Variants in RARB observed in about 807,000 individuals in gnomAD.
The protein encoded by RARB is retinoic acid receptor beta.
RARB carries 17 observed loss-of-function variants against 51.9 expected under a neutral mutation model. The ratio of observed to expected loss-of-function variants is 0.33; its 90% CI spans 0.22 to 0.49. RARB has a LOEUF of 0.49. Ranked by LOEUF, RARB falls within the 20% of genes least tolerant of loss-of-function variation. The pLI, the probability that RARB is intolerant of heterozygous loss-of-function variation, is 0.99. For missense variants in RARB, 369 were observed against 550.8 expected, an observed-to-expected ratio of 0.67 and a Z score of 3.30; for synonymous variants, 215 against 195.4, an observed-to-expected ratio of 1.10 and a Z score of -0.84.
intron 5 of RARB, among the ~76,000 whole-genome samples, chr3:25,402,801 G>A (rs1198666971): frequency 6.6e-6 from 1 of 152,080 alleles, no homozygotes; most frequent in Non-Finnish European, 1.5e-5. Flanking sequence ...GGTCACCAGG[G>A]GCTAAGAGTG....
intron 2 of RARB, among the ~76,000 whole-genome samples, chr3:24,895,615 C>CTT (rs11295596): frequency 2.4e-5 from 3 of 125,064 alleles, no homozygotes; most frequent in African/African-American, 7.6e-5. Flanking sequence ...ACAATTGGGT[C>CTT]TTTTTTTTTT....
chr3:24,879,110 T>C (rs7636108), intron 2 of RARB, among the ~76,000 whole-genome samples: 32,469 of 152,042 alleles, frequency 0.21, 4,898 homozygotes, highest in African/African-American at 0.43. Context: ...AATTTCATTT[T>C]TGGTAATCTT....
intron 5 of RARB, among the ~76,000 whole-genome samples, chr3:25,393,270 G>A (rs12489308): frequency 0.14 from 21,896 of 151,914 alleles, 2,116 homozygotes; most frequent in Admixed American, 0.29. Flanking sequence ...TCTTTTGATA[G>A]GCTGTTGGAT....
At chr3:25,551,535 G>A (rs896630939) in intron 3 of RARB, among the ~76,000 whole-genome samples, 2 of 152,198 alleles carry the variant, frequency 1.3e-5, no homozygotes, top group Non-Finnish European at 2.9e-5. Context: ...AAAGAGTTAT[G>A]TGGAGCAGCT....
intron 3 of RARB, among the ~76,000 whole-genome samples, chr3:25,528,573 A>G (rs1698757259): frequency 6.6e-6 from 1 of 151,724 alleles, no homozygotes; most frequent in Admixed American, 6.6e-5. Context: ...CTGCCATGTG[A>G]TTCAGCACTG....
intron 5 of RARB, among the ~76,000 whole-genome samples, chr3:25,247,327 A>C (rs538435552): frequency 1.3e-5 from 2 of 152,310 alleles, no homozygotes; most frequent in African/African-American, 4.8e-5. Context: ...CAGGGGAATG[A>C]ACTGTTCTGT....
intron 5 of RARB, among the ~76,000 whole-genome samples, chr3:25,281,442 A>C (rs1703519679): frequency 6.6e-6 from 1 of 152,190 alleles, no homozygotes; most frequent in South Asian, 2.1e-4. Flanking sequence ...TTAGCAAATT[A>C]AGGAGATTAC....
chr3:25,333,859 T>C (rs1310723190), intron 5 of RARB, among the ~76,000 whole-genome samples: 6 of 152,140 alleles, frequency 3.9e-5, no homozygotes, highest in Non-Finnish European at 8.8e-5. Context: ...CATCACAAAG[T>C]GGGCAAAGGA....
At chr3:25,091,297 A>C (rs530283607) in intron 3 of RARB, among the ~76,000 whole-genome samples, 5 of 152,286 alleles carry the variant, frequency 3.3e-5, no homozygotes, top group African/African-American at 1.2e-4. Flanking sequence ...TCTCTTTATG[A>C]CAAAGGTTGG....
intron 1 of RARB, among the ~76,000 whole-genome samples, chr3:25,450,786 G>A (rs1301823561): frequency 2.6e-5 from 4 of 152,038 alleles, no homozygotes; most frequent in African/African-American, 4.8e-5. Context: ...AAATGGTGCT[G>A]GCTAAAAACC....
At chr3:25,011,307 T>C (rs962389401) in intron 2 of RARB, among the ~76,000 whole-genome samples, 8 of 151,828 alleles carry the variant, frequency 5.3e-5, no homozygotes, top group African/African-American at 9.7e-5. Flanking sequence ...AAGTTCTAAA[T>C]AGCACGTTCA....
At chr3:25,530,899 T>C (rs1238471592) in intron 3 of RARB, among the ~76,000 whole-genome samples, 1 of 152,190 alleles carries the variant, frequency 6.6e-6, no homozygotes, top group East Asian at 1.9e-4. Flanking sequence ...ATGTAGCAAA[T>C]GCCACTTCCT....
intron 2 of RARB, among the ~76,000 whole-genome samples, chr3:25,475,213 G>C (rs1355840749): frequency 6.6e-6 from 1 of 152,090 alleles, no homozygotes; most frequent in Admixed American, 6.6e-5. Flanking sequence ...GTATTCCTTT[G>C]TTATTTGATT....
exon 5 of RARB, chr3:25,174,307 C>T: frequency 8.9e-7 from 1 of 1,126,890 alleles, no homozygotes; most frequent in South Asian, 1.3e-5. Flanking sequence ...GCCTCAACTC[C>T]TGCAGTGCAT....
chr3:25,096,690 C>T (rs984236558), intron 3 of RARB, among the ~76,000 whole-genome samples: 1 of 152,080 alleles, frequency 6.6e-6, no homozygotes, highest in Non-Finnish European at 1.5e-5. Context: ...GCCACTTTTA[C>T]CTGGGCTGAG....
intron 5 of RARB, among the ~76,000 whole-genome samples, chr3:25,357,551 G>C (rs151222088): frequency 6.6e-6 from 1 of 152,044 alleles, no homozygotes; most frequent in South Asian, 2.1e-4. Flanking sequence ...TTTTGTTGCC[G>C]TTGCTTTTGG....
intron 2 of RARB, among the ~76,000 whole-genome samples, chr3:24,946,454 GTTCT>G (rs1486382371): frequency 6.6e-6 from 1 of 151,704 alleles, no homozygotes; most frequent in Admixed American, 6.6e-5. Flanking sequence ...GAAGAGTGCT[GTTCT>G]TTCTTTGCAA....
intron 5 of RARB, among the ~76,000 whole-genome samples, chr3:25,268,577 C>T (rs1703180426): frequency 6.6e-6 from 1 of 152,132 alleles, no homozygotes. Context: ...TTAATGTTAG[C>T]CCCTCTTTTA....
chr3:25,337,369 T>C (rs1705094477), intron 5 of RARB, among the ~76,000 whole-genome samples: 1 of 152,198 alleles, frequency 6.6e-6, no homozygotes, highest in Non-Finnish European at 1.5e-5. Flanking sequence ...AGGAAGCTCT[T>C]AGTAATTCAG....
Sources: allele counts gnomAD v4.1 joint callset (sites outside exome capture counted in the v4.1 genomes callset), GRCh38; gene constraint gnomAD v4.1.1; transcripts MANE v1.5; gene names NCBI Gene and HGNC (gene_info 2026-07-23, HGNC 2026-07-21).